The following PRDM6 variants were observed in gnomAD, a reference collection of about 807,000 sequenced individuals.
The protein encoded by PRDM6 is putative histone-lysine N-methyltransferase PRDM6.
PRDM6 carries 25 observed loss-of-function variants against 60.8 expected under a neutral mutation model. That is an observed-to-expected ratio of 0.41 (90% confidence interval 0.30 to 0.57). The LOEUF is 0.57. PRDM6 is among the 20% of genes least tolerant of loss of function. The pLI is 0.27. For missense variants in PRDM6, 839 were observed against 821.3 expected (o/e 1.02, Z -0.26); for synonymous variants, 407 against 357.4 (o/e 1.14, Z -1.57).
At position 123,153,879 on chromosome 5, in the gene PRDM6, G is replaced by A. The variant is rs186089610; in HGVS notation, c.901-2005G>A. ...GTGGCTTCATGCACAAAGGAGGATTGTTGTGTGCACTTCTCAAAATGCTTC... is the reference window on the plus strand; with the variant it reads ...GTGGCTTCATGCACAAAGGAGGATTATTGTGTGCACTTCTCAAAATGCTTC... On this transcript the variant is annotated intron_variant, in intron 3 of 7. Transcript: ENST00000407847. 5.3e-3 allele frequency among the ~76,000 whole-genome samples: 811 copies of A among 152,232 alleles called. 9 individuals carry two copies. The highest frequency in any genetic ancestry group is 0.018 in the African/African-American group (760 of 41,510).
intron 3 of PRDM6, among the ~76,000 whole-genome samples, chr5:123,101,154 A>T (rs79463139): frequency 2.6e-5 from 4 of 152,120 alleles, no homozygotes; most frequent in Admixed American, 2.0e-4. Context: ...TCATTAATCC[A>T]CTCAAATTTT....
chr5:123,144,494 G>A (rs754582824), intron 3 of PRDM6, among the ~76,000 whole-genome samples: 8 of 152,148 alleles, frequency 5.3e-5, no homozygotes, highest in Non-Finnish European at 1.2e-4. Context: ...GGGGCCTGAA[G>A]AGAAGCACTG....
chr5:123,104,983 TA>T (rs34647797), intron 3 of PRDM6, among the ~76,000 whole-genome samples: 92,328 of 152,030 alleles, frequency 0.61, 29,107 homozygotes, highest in African/African-American at 0.78. Flanking sequence ...AATTCTGCTT[TA>T]AAAAAAAATT....
intron 6 of PRDM6, among the ~76,000 whole-genome samples, chr5:123,172,524 T>C (rs912086940): frequency 1.3e-5 from 2 of 152,194 alleles, no homozygotes; most frequent in African/African-American, 2.4e-5. Context: ...AGAAAAGATA[T>C]TTTTCAAAAT....
At chr5:123,179,220 A>G (rs544774487) in intron 6 of PRDM6, among the ~76,000 whole-genome samples, 1 of 152,332 alleles carries the variant, frequency 6.6e-6, no homozygotes, top group East Asian at 1.9e-4. Context: ...TGAGCTGGGA[A>G]GAATGTGCTC....
chr5:123,169,999 C>A (rs1388261363), intron 5 of PRDM6, among the ~76,000 whole-genome samples: 1 of 152,168 alleles, frequency 6.6e-6, no homozygotes, highest in Non-Finnish European at 1.5e-5. Flanking sequence ...CTCTCAAGCC[C>A]TTCCTGAACA....
In PRDM6 at chr5:123,154,604, C is replaced by T. The variant is rs530129391; in HGVS notation, c.901-1280C>T. On this transcript the variant is annotated intron_variant, in intron 3 of 7. Transcript: ENST00000407847. The stretch of plus-strand genomic sequence containing the variant: ...GTCATCACTAAGCCCGTTTGCACCC[C>T]CTCCCCCGGAATAGAACTGCTGAGC... 1.5e-3 allele frequency among the ~76,000 whole-genome samples: 221 copies of T among 152,250 alleles called. 1 individual carries two copies. Among genetic ancestry groups the T allele is most frequent in the Middle Eastern group, 3.4e-3 (1 of 294 alleles).
At chr5:123,174,923 G>A (rs996441301) in intron 6 of PRDM6, among the ~76,000 whole-genome samples, 4 of 152,090 alleles carry the variant, frequency 2.6e-5, no homozygotes, top group African/African-American at 9.7e-5. Flanking sequence ...CTTTTTCCCA[G>A]GCTACTGACT....
chr5:123,167,365 A>G (rs1010364718), intron 5 of PRDM6, among the ~76,000 whole-genome samples: 7 of 150,612 alleles, frequency 4.6e-5, no homozygotes, highest in African/African-American at 1.7e-4. Context: ...GACCTTAACA[A>G]TTTTTTAGAA....
intron 2 of PRDM6, among the ~76,000 whole-genome samples, chr5:123,098,963 C>G (rs1024111196): frequency 5.3e-5 from 8 of 151,902 alleles, no homozygotes. Context: ...TGCAGGCTTG[C>G]TCTGCCCCGT....
rs985666344 is a variant in PRDM6, at chr5:123,090,443, C to T, written c.429C>T (p.Ser143=). The change falls in exon 2 of 8, where the codon TCC becomes TCT. Residue 143 remains serine (S), a synonymous_variant. Transcript: ENST00000407847. ...AGGAACTGTGCCTCGGCGCCACCTC[C>T]GGCCCCGGGCCCGTCAAGTGCGGTG... ...PPKELCLGAT[S]GPGPVKCGGG... is the part of the protein sequence containing the mutation. 12 of 1,454,624 alleles carry T rather than the reference C, an allele frequency of 8.2e-6. No homozygotes were observed. The highest frequency in any genetic ancestry group is 1.1e-5 in the Non-Finnish European group (12 of 1,113,218). The allele number at this position is 1,454,624 out of a possible 1,614,324, so 90.1% of individuals were successfully genotyped here.
intron 6 of PRDM6, among the ~76,000 whole-genome samples, chr5:123,176,213 T>G (rs1448777313): frequency 6.8e-6 from 1 of 147,142 alleles, no homozygotes; most frequent in Non-Finnish European, 1.5e-5. Context: ...CAGTATTGGC[T>G]AGCTCAGATA....
intron 3 of PRDM6, among the ~76,000 whole-genome samples, chr5:123,134,656 A>G (rs541720140): frequency 6.6e-6 from 1 of 152,304 alleles, no homozygotes; most frequent in South Asian, 2.1e-4. Flanking sequence ...GTTTAATTAA[A>G]TGAAATTAAG....
chr5:123,157,725 C>T (rs575292888), intron 4 of PRDM6, among the ~76,000 whole-genome samples: 38 of 152,284 alleles, frequency 2.5e-4, no homozygotes, highest in African/African-American at 8.7e-4. Context: ...CATGAATGTC[C>T]TCTTCACAAA....
intron 2 of PRDM6, among the ~76,000 whole-genome samples, chr5:123,094,432 T>TTCTCTCTCTCTCTCTCTCTCTCTCTCTC (rs3037346): frequency 7.4e-5 from 11 of 148,052 alleles, no homozygotes; most frequent in Admixed American, 4.7e-4. Flanking sequence ...GCTTTTGTGT[T>TTCTCTCTCTCTCTCTCTCTCTCTCTCTC]TCTCTCTCTC....
At chr5:123,134,065 A>G (rs946025197) in intron 3 of PRDM6, among the ~76,000 whole-genome samples, 3 of 152,128 alleles carry the variant, frequency 2.0e-5, no homozygotes, top group African/African-American at 4.8e-5. Context: ...TTCTGTGTAA[A>G]TAGTTCCAAC....
At chr5:123,183,817 C>T (rs1478341964) in intron 7 of PRDM6, among the ~76,000 whole-genome samples, 1 of 152,168 alleles carries the variant, frequency 6.6e-6, no homozygotes, top group Non-Finnish European at 1.5e-5. Context: ...CTCCTTCTTA[C>T]TAAACAGTGT....
intron 3 of PRDM6, among the ~76,000 whole-genome samples, chr5:123,108,338 C>T (rs1222022493): frequency 6.6e-6 from 1 of 152,042 alleles, no homozygotes; most frequent in East Asian, 1.9e-4. Flanking sequence ...TCTTGTAAAG[C>T]ACCAAGAGCT....
At chr5:123,139,260 A>C (rs973646401) in intron 3 of PRDM6, among the ~76,000 whole-genome samples, 2 of 152,208 alleles carry the variant, frequency 1.3e-5, no homozygotes, top group Non-Finnish European at 2.9e-5. Context: ...AAATGAATGA[A>C]AATTCTAATA....
Sources: allele counts gnomAD v4.1 joint callset (sites outside exome capture counted in the v4.1 genomes callset), GRCh38; gene constraint gnomAD v4.1.1; transcripts MANE v1.5; gene names NCBI Gene and HGNC (gene_info 2026-07-23, HGNC 2026-07-21).